ARNT2: variants seen among roughly 807,000 people sequenced by gnomAD.
The protein encoded by ARNT2 is aryl hydrocarbon receptor nuclear translocator 2.
ARNT2 carries 36 observed loss-of-function variants against 91.7 expected under a neutral mutation model. The observed-to-expected ratio is 0.39, with a 90% confidence interval of 0.30 to 0.52. The LOEUF is 0.52. Ranked by LOEUF, ARNT2 falls within the 20% of genes least tolerant of loss-of-function variation. The pLI is 0.72. For synonymous variants in ARNT2, 365 were observed against 347.1 expected (o/e 1.05, Z -0.57); for missense variants, 775 against 939.3 (o/e 0.83, Z 2.29).
chr15:80,495,289 G>A (rs1897111306), intron 5 of ARNT2, among the ~76,000 whole-genome samples: 1 of 152,148 alleles, frequency 6.6e-6, no homozygotes, highest in South Asian at 2.1e-4. Flanking sequence ...GAACATTATT[G>A]TTGCTGCCAA....
chr15:80,532,971 T>C (rs1034453847), intron 8 of ARNT2, among the ~76,000 whole-genome samples: 1 of 151,434 alleles, frequency 6.6e-6, no homozygotes, highest in African/African-American at 2.4e-5. Context: ...GTGGTGGGAG[T>C]GGACAGTGGA....
chr15:80,590,735 CTT>C (rs1893260998), intron 17 of ARNT2, among the ~76,000 whole-genome samples: 2 of 152,340 alleles, frequency 1.3e-5, no homozygotes, highest in South Asian at 4.1e-4. Flanking sequence ...GAATAAGACT[CTT>C]TCTCGTATGT....
chr15:80,502,523 G>A (rs1296773931), intron 5 of ARNT2, among the ~76,000 whole-genome samples: 7 of 152,220 alleles, frequency 4.6e-5, no homozygotes, highest in Admixed American at 3.9e-4. Context: ...GTAGGTGGAC[G>A]AGGTGGATGA....
rs148854251 is a variant in ARNT2 at position 80,492,375 on chromosome 15, C to T, written c.623-15781C>T. Among the ~76,000 whole-genome samples the T allele has an allele frequency of 3.3e-5, 5 of 152,250 alleles. No homozygotes were observed. The East Asian group carries it at 9.7e-4, about 29-fold the overall frequency. Reference sequence around the variant, plus strand: ...TACTACAGCTTTATCATCTTCAAATCAGATAATGTTAGTCCTCCAACTTTG... The same window carrying T: ...TACTACAGCTTTATCATCTTCAAATTAGATAATGTTAGTCCTCCAACTTTG... On this transcript the variant is annotated intron_variant, in intron 5 of 18. Transcript: ENST00000303329.
At chr15:80,532,517 G>A (rs1897755641) in intron 8 of ARNT2, among the ~76,000 whole-genome samples, 1 of 152,112 alleles carries the variant, frequency 6.6e-6, no homozygotes, top group Non-Finnish European at 1.5e-5. Flanking sequence ...GAGGAGCTCA[G>A]CTGATGTGCT....
chr15:80,553,917 G>A (rs965091295), intron 10 of ARNT2, among the ~76,000 whole-genome samples: 3 of 152,112 alleles, frequency 2.0e-5, no homozygotes, highest in African/African-American at 7.2e-5. Context: ...AATAAAGGGA[G>A]AAATTGATTT....
chr15:80,587,698 A>G (rs951522236), intron 17 of ARNT2, among the ~76,000 whole-genome samples: 4 of 152,228 alleles, frequency 2.6e-5, no homozygotes, highest in African/African-American at 9.6e-5. Flanking sequence ...TTATCAGCCC[A>G]TAACACAGTC....
At chr15:80,524,747 C>T (rs1052078503) in intron 8 of ARNT2, among the ~76,000 whole-genome samples, 1 of 151,798 alleles carries the variant, frequency 6.6e-6, no homozygotes, top group African/African-American at 2.4e-5. Context: ...TGGTGGCGGG[C>T]GCCTGTAGTC....
chr15:80,589,779 T>G (rs566928917), intron 17 of ARNT2, among the ~76,000 whole-genome samples: 10 of 152,342 alleles, frequency 6.6e-5, no homozygotes, highest in African/African-American at 1.9e-4. Flanking sequence ...CACGATTCTA[T>G]GAAAGAGTTC....
Position 80,475,226 on chromosome 15 carries a change from C to G in ARNT2, c.622+3C>G, listed in dbSNP as rs1566982492. On this transcript the variant is annotated splice_donor_region_variant and intron_variant, in intron 5 of 18. Transcript: ENST00000303329. ...CACCTCAGAAAACTCAATGACAGGTCAGTGGAGCTCCCTTTATGAGGCTGT... is the reference window on the plus strand; with the variant it reads ...CACCTCAGAAAACTCAATGACAGGTGAGTGGAGCTCCCTTTATGAGGCTGT... The G allele has an allele frequency of 6.2e-7, 1 of 1,613,564 alleles. No individual in the cohort carries two copies.
chr15:80,483,952 G>T (rs1200242933), intron 5 of ARNT2, among the ~76,000 whole-genome samples: 1 of 152,196 alleles, frequency 6.6e-6, no homozygotes, highest in Non-Finnish European at 1.5e-5. Flanking sequence ...TGATCCCACA[G>T]GGGTCCTGTG....
At chr15:80,497,741 G>A (rs954558605) in intron 5 of ARNT2, among the ~76,000 whole-genome samples, 1 of 150,912 alleles carries the variant, frequency 6.6e-6, no homozygotes, top group South Asian at 2.1e-4. Flanking sequence ...GATTTGAAAT[G>A]GTAGAGCAGT....
intron 1 of ARNT2, among the ~76,000 whole-genome samples, chr15:80,425,726 T>C (rs965439310): frequency 6.7e-6 from 1 of 150,340 alleles, no homozygotes; most frequent in South Asian, 2.1e-4. Context: ...TGTTTTTTTT[T>C]TGTTGTTTGT....
chr15:80,585,868 C>A (rs907736155), intron 17 of ARNT2, among the ~76,000 whole-genome samples: 1 of 152,220 alleles, frequency 6.6e-6, no homozygotes, highest in Non-Finnish European at 1.5e-5. Context: ...GGAAGAGAAG[C>A]CACTTCTCTG....
chr15:80,514,636 C>A (rs1394571742), intron 8 of ARNT2, among the ~76,000 whole-genome samples: 1 of 152,238 alleles, frequency 6.6e-6, no homozygotes, highest in African/African-American at 2.4e-5. Context: ...CCTGTAATCC[C>A]AGCACTTTGG....
intron 1 of ARNT2, among the ~76,000 whole-genome samples, chr15:80,420,037 C>T (rs1895840047): frequency 6.6e-6 from 1 of 152,152 alleles, no homozygotes; most frequent in Non-Finnish European, 1.5e-5. Flanking sequence ...CCTCCCTATG[C>T]AACCAGCCAT....
At chr15:80,483,249 T>C (rs1896916306) in intron 5 of ARNT2, among the ~76,000 whole-genome samples, 1 of 152,248 alleles carries the variant, frequency 6.6e-6, no homozygotes, top group South Asian at 2.1e-4. Context: ...ACTTATATAC[T>C]TCGATGCACA....
intron 8 of ARNT2, among the ~76,000 whole-genome samples, chr15:80,540,624 G>A (rs1897890130): frequency 6.6e-6 from 1 of 152,076 alleles, no homozygotes; most frequent in African/African-American, 2.4e-5. Flanking sequence ...GTACCCAATA[G>A]GTAGTTTTGA....
intron 1 of ARNT2, among the ~76,000 whole-genome samples, chr15:80,409,644 G>A (rs1444903506): frequency 1.3e-5 from 2 of 152,164 alleles, no homozygotes; most frequent in East Asian, 3.8e-4. Context: ...CTGCTTGCTA[G>A]CAAGACAAAT....
Sources: gnomAD v4.1 joint callset for allele counts (sites outside exome capture counted in the v4.1 genomes callset) on GRCh38, gnomAD v4.1.1 for gene constraint, MANE v1.5 for transcripts, NCBI Gene and HGNC (gene_info 2026-07-23, HGNC 2026-07-21) for gene names.